Variants in NUDCD1 observed in about 807,000 individuals in gnomAD.
The protein encoded by NUDCD1 is NudC domain containing 1.
Under a neutral mutation model 67.8 loss-of-function variants are expected in NUDCD1, and 60 were observed. That is an observed-to-expected ratio of 0.88 (90% CI 0.72 to 1.10). NUDCD1 has a LOEUF of 1.10. Ranked by LOEUF, NUDCD1 falls within the 50% of genes least tolerant of loss-of-function variation. The pLI is 0.00. For missense variants in NUDCD1, 643 were observed against 695.0 expected (o/e 0.93, Z 0.84); for synonymous variants, 244 against 230.8 (o/e 1.06, Z -0.52).
chr8:109,320,543 A>T (rs1031440821), intron 2 of NUDCD1, among the ~76,000 whole-genome samples: 7 of 152,198 alleles, frequency 4.6e-5, no homozygotes, highest in Admixed American at 3.9e-4. Flanking sequence ...TATTGCTCAA[A>T]CACACATGCT....
chr8:109,255,142 G>A (rs1813700476), intron 8 of NUDCD1, among the ~76,000 whole-genome samples: 1 of 152,124 alleles, frequency 6.6e-6, no homozygotes, highest in Non-Finnish European at 1.5e-5. Flanking sequence ...TTCTCCCAAA[G>A]TCCATTTTAT....
intron 8 of NUDCD1, among the ~76,000 whole-genome samples, chr8:109,264,444 C>T (rs1031796922): frequency 2.0e-5 from 3 of 152,100 alleles, no homozygotes; most frequent in Non-Finnish European, 4.4e-5. Context: ...ATGTGTGTAT[C>T]GGTTTATATT....
intron 8 of NUDCD1, among the ~76,000 whole-genome samples, chr8:109,260,768 C>T (rs777931464): frequency 1.3e-5 from 2 of 152,192 alleles, no homozygotes; most frequent in Non-Finnish European, 2.9e-5. Flanking sequence ...GAACCATCAT[C>T]TCTGGGATAT....
At chr8:109,261,548 G>A (rs906291002) in intron 8 of NUDCD1, among the ~76,000 whole-genome samples, 1 of 152,004 alleles carries the variant, frequency 6.6e-6, no homozygotes, top group African/African-American at 2.4e-5. Flanking sequence ...ATGTGATAAG[G>A]GCTGTTAAAC....
At chr8:109,304,874 C>G (rs995200456) in intron 2 of NUDCD1, among the ~76,000 whole-genome samples, 1 of 152,160 alleles carries the variant, frequency 6.6e-6, no homozygotes, top group Non-Finnish European at 1.5e-5. Context: ...ACCAACTCCC[C>G]CACTGAAACT....
chr8:109,313,717 C>A (rs997473137), intron 2 of NUDCD1: 1 of 457,668 alleles, frequency 2.2e-6, no homozygotes, highest in African/African-American at 2.0e-5. Flanking sequence ...CTGGGAAGAA[C>A]GTAGAGATAA....
chr8:109,306,377 CA>C (rs1815103231), intron 2 of NUDCD1, among the ~76,000 whole-genome samples: 2 of 152,128 alleles, frequency 1.3e-5, no homozygotes, highest in South Asian at 2.1e-4. Context: ...GCCACACTAT[CA>C]ATCTCACTCA....
intron 3 of NUDCD1, among the ~76,000 whole-genome samples, chr8:109,295,439 T>C (rs1814821348): frequency 6.6e-6 from 1 of 152,194 alleles, no homozygotes; most frequent in South Asian, 2.1e-4. Flanking sequence ...AAACTGTGAA[T>C]GCAACAGGCT....
intron 8 of NUDCD1, among the ~76,000 whole-genome samples, chr8:109,265,933 C>A (rs1813981732): frequency 6.6e-6 from 1 of 151,974 alleles, no homozygotes; most frequent in Non-Finnish European, 1.5e-5. Flanking sequence ...GATTGGGGAC[C>A]CCTGTCTTAA....
intron 8 of NUDCD1, among the ~76,000 whole-genome samples, chr8:109,264,859 T>G (rs1309097013): frequency 1.3e-5 from 2 of 151,906 alleles, no homozygotes; most frequent in Non-Finnish European, 2.9e-5. Context: ...TACTTTTTTT[T>G]TTTTTACTCT....
intron 1 of NUDCD1, among the ~76,000 whole-genome samples, 187 bp downstream of exon 1, chr8:109,333,706 G>A (rs1175045667): frequency 6.6e-6 from 1 of 152,054 alleles, no homozygotes; most frequent in Admixed American, 6.5e-5. Context: ...AAGAGCGCGC[G>A]AAGGCGGCTC....
Position 109,242,856 on chromosome 8 carries a change from C to G in NUDCD1, c.*153G>C. 2 of 465,080 alleles carry G rather than the reference C, an allele frequency of 4.3e-6. No homozygotes were observed. The highest frequency in any genetic ancestry group is 8.8e-5 in the South Asian group (2 of 22,660). 28.8% of individuals were successfully genotyped at this position (465,080 alleles called of 1,614,324 possible). ...TTCCACAGCTTTACAGAATCATAAT[C>G]TCTTGAATATATTTCCAATGTTATT... On this transcript the variant is annotated 3_prime_UTR_variant, in exon 10 of 10. Coordinates refer to ENST00000239690, the MANE Select transcript of NUDCD1 (RefSeq NM_032869.4).
rs373973918 is a variant in NUDCD1 at position 109,257,225 on chromosome 8, T to G, written c.1300-11744A>C. 3.3e-5 allele frequency among the ~76,000 whole-genome samples: 5 copies of G among 152,140 alleles called. No individual in the cohort carries two copies. In the East Asian group the frequency reaches 7.7e-4, roughly 23 times the overall value. The stretch of plus-strand genomic sequence containing the variant: ...AAGTTAAACTGTCTTTATTCACAGA[T>G]ACTACCCTGTACACTGAAATCTTGG... On this transcript the variant is annotated intron_variant, in intron 8 of 9. Coordinates refer to ENST00000239690, the MANE Select transcript of NUDCD1 (RefSeq NM_032869.4).
At chr8:109,321,764 T>A (rs1815544203) in intron 2 of NUDCD1, among the ~76,000 whole-genome samples, 1 of 151,816 alleles carries the variant, frequency 6.6e-6, no homozygotes, top group Non-Finnish European at 1.5e-5. Context: ...AGAACACTGA[T>A]AAATAGAAAA....
At chr8:109,308,208 T>C (rs1303983959) in intron 2 of NUDCD1, among the ~76,000 whole-genome samples, 1 of 152,200 alleles carries the variant, frequency 6.6e-6, no homozygotes, top group Non-Finnish European at 1.5e-5. Flanking sequence ...TGGAAATTAA[T>C]TAACTGCTCC....
rs143002698 is a variant in NUDCD1 at position 109,312,276 on chromosome 8, G to A, written c.273+10033C>T. 5.1e-3 allele frequency among the ~76,000 whole-genome samples: 702 copies of A among 138,272 alleles called. 46 individuals are homozygous for A. The East Asian group carries it at 0.13, about 27-fold the overall frequency. The allele number at this position is 138,272 out of a possible 152,430, so 90.7% of individuals were successfully genotyped here. A position where few individuals can be genotyped will look rare whatever the true frequency, so the allele number is the denominator to read the frequency against. Reference sequence around the variant, plus strand: ...AAATCGCACCACTGCACTCCAGCCCGGGCAACAGAGCGAGACACTGTCAAA... The same window carrying A: ...AAATCGCACCACTGCACTCCAGCCCAGGCAACAGAGCGAGACACTGTCAAA... On this transcript the variant is annotated intron_variant, in intron 2 of 9. Transcript: ENST00000239690.
intron 2 of NUDCD1, chr8:109,298,963 GAC>G (rs938596828): frequency 6.6e-5 from 10 of 152,536 alleles, no homozygotes; most frequent in African/African-American, 2.4e-4. Flanking sequence ...AGGAAAGAGA[GAC>G]CCCTCAAACA....
chr8:109,268,870 T>A (rs1334538977), intron 8 of NUDCD1, among the ~76,000 whole-genome samples: 1 of 152,174 alleles, frequency 6.6e-6, no homozygotes, highest in East Asian at 1.9e-4. Context: ...ATTCAGGGAA[T>A]CATGTATGGG....
chr8:109,294,103 A>G (rs1175326316), intron 3 of NUDCD1, among the ~76,000 whole-genome samples: 1 of 152,080 alleles, frequency 6.6e-6, no homozygotes, highest in Non-Finnish European at 1.5e-5. Context: ...CAAGATCTCA[A>G]CAACTATTAC....
Sources: gnomAD v4.1 joint callset for allele counts (sites outside exome capture counted in the v4.1 genomes callset) on GRCh38, gnomAD v4.1.1 for gene constraint, MANE v1.5 for transcripts, NCBI Gene and HGNC (gene_info 2026-07-23, HGNC 2026-07-21) for gene names.